Variants in CDK3 observed in about 807,000 individuals in gnomAD.
CDK3 encodes cyclin-dependent kinase 3.
CDK3 carries 24 observed loss-of-function variants against 30.2 expected under a neutral mutation model. That is an observed-to-expected ratio of 0.79 (90% CI 0.57 to 1.12). The LOEUF (loss-of-function observed/expected upper bound fraction) is 1.12. CDK3 is among the 50% of genes most tolerant of loss of function. The pLI is 0.00. For synonymous variants in CDK3, 158 were observed against 154.2 expected, an observed-to-expected ratio of 1.02 and a Z score of -0.18; for missense variants, 345 against 376.0, an observed-to-expected ratio of 0.92 and a Z score of 0.68.
In CDK3 at chr17:76,002,621, A is replaced by C. The variant is rs746536767; in HGVS notation, c.588+9A>C. The C allele has an allele frequency of 1.2e-6, 1 of 809,852 alleles. No homozygotes were observed. The highest frequency in any genetic ancestry group is 1.7e-5 in the Admixed American group (1 of 59,032). The allele number at this position is 809,852 out of a possible 1,614,324, so 50.2% of individuals were successfully genotyped here. On this transcript the variant is annotated intron_variant, in intron 6 of 7. Transcript: ENST00000448471. This position sits in a 1 kb window ranked among gnomAD's most constrained non-coding sequence, Gnocchi z 4.3. ...GCATCTTTGCAGAGATGGTAGAGAGAGGGGCACACATGGCCACAGGGTGCC... is the reference window on the plus strand; with the variant it reads ...GCATCTTTGCAGAGATGGTAGAGAGCGGGGCACACATGGCCACAGGGTGCC...
chr17:76,004,219 G>GTTTTTTTTGT (rs71361702), intron 7 of CDK3, among the ~76,000 whole-genome samples: 1,019 of 92,296 alleles, frequency 0.011, 45 homozygotes, highest in Non-Finnish European at 0.016. Context: ...AGAACCGTCT[G>GTTTTTTTTGT]TTTTTTTTTT....
Position 76,002,991 on chromosome 17 carries a change from C to T in CDK3, c.589-204C>T, listed in dbSNP as rs897284088. 24 of 608,044 alleles carry T rather than the reference C, an allele frequency of 3.9e-5. No homozygotes were observed. Among genetic ancestry groups the T allele is most frequent in the East Asian group, 3.6e-4 (13 of 36,294 alleles). The allele number at this position is 608,044 out of a possible 1,614,324, so 37.7% of individuals were successfully genotyped here. On this transcript the variant is annotated intron_variant, in intron 6 of 7. Coordinates refer to ENST00000448471, the MANE Select transcript of CDK3 (RefSeq NM_001258.4). The surrounding 1 kb of genome is among the most constrained non-coding windows in gnomAD (Gnocchi z 4.3). ...TAGCCTGGGTGACAGAGCAAGACTCCGTCTCTATTTTTTAAAAAAAGGTGT... is the reference window on the plus strand; with the variant it reads ...TAGCCTGGGTGACAGAGCAAGACTCTGTCTCTATTTTTTAAAAAAAGGTGT...
Position 76,005,603 on chromosome 17 carries a change from T to C in CDK3, c.*180T>C, listed in dbSNP as rs2066306924. 2 of 705,860 alleles carry C rather than the reference T, an allele frequency of 2.8e-6. No homozygotes were observed. The highest frequency in any genetic ancestry group is 4.5e-6 in the Non-Finnish European group (2 of 447,244). The allele number at this position is 705,860 out of a possible 1,614,324, so 43.7% of individuals were successfully genotyped here. A position where few individuals can be genotyped will look rare whatever the true frequency, so the allele number is the denominator to read the frequency against. ...AGGTTAGCGAGATCCTGTGTTGTTTTTTGGGTTGGACGGTGCCGTTTCAAA... is the reference window on the plus strand; with the variant it reads ...AGGTTAGCGAGATCCTGTGTTGTTTCTTGGGTTGGACGGTGCCGTTTCAAA... On this transcript the variant is annotated 3_prime_UTR_variant, in exon 8 of 8. Transcript: ENST00000448471. The surrounding 1 kb of genome is among the most constrained non-coding windows in gnomAD (Gnocchi z 4.7).
chr17:76,002,977 A>G lies in CDK3; in HGVS notation c.589-218A>G. The G allele has an allele frequency of 1.7e-6, 1 of 587,082 alleles. No homozygotes were observed. The highest frequency in any genetic ancestry group is 2.0e-5 in the South Asian group (1 of 50,208). 36.4% of individuals were successfully genotyped at this position (587,082 alleles called of 1,614,324 possible). On this transcript the variant is annotated intron_variant, in intron 6 of 7. Transcript: ENST00000448471. This position sits in a 1 kb window ranked among gnomAD's most constrained non-coding sequence, Gnocchi z 4.3. ...GCACGACTGCACTCTAGCCTGGGTG[A>G]CAGAGCAAGACTCCGTCTCTATTTT... is the stretch of plus-strand genomic sequence containing the variant.
Position 76,001,323 on chromosome 17 carries a change from G to A in CDK3, c.-14-89G>A. The A allele has an allele frequency of 6.4e-7, 1 of 1,573,034 alleles. No individual in the cohort carries two copies. The highest frequency in any genetic ancestry group is 2.3e-5 in the East Asian group (1 of 43,206). On this transcript the variant is annotated intron_variant, in intron 1 of 7. Transcript: ENST00000448471. This position sits in a 1 kb window ranked among gnomAD's most constrained non-coding sequence, Gnocchi z 6.2. ...GGAGCTGGGCAGTCTGGGCTGGGCT[G>A]GGCTGGGCAGGGCGCCACATGGAAG...
At position 76,000,880 on chromosome 17, in the gene CDK3, C is replaced by T; in HGVS notation, c.-102C>T. 9.5e-7 allele frequency: 1 copy of T among 1,049,596 alleles called. No individual in the cohort carries two copies. The highest frequency in any genetic ancestry group is 1.2e-6 in the Non-Finnish European group (1 of 868,750). 65.0% of individuals were successfully genotyped at this position (1,049,596 alleles called of 1,614,324 possible). On this transcript the variant is annotated 5_prime_UTR_variant, in exon 1 of 8. Transcript: ENST00000448471. This position sits in a 1 kb window ranked among gnomAD's most constrained non-coding sequence, Gnocchi z 5.9. The stretch of plus-strand genomic sequence containing the variant: ...AGACCCTCCTGACCCCTGACCTCTG[C>T]CCCCAGTGGCCCTGGCCCCTGGGCA...
At chr17:76,003,738 C>T (rs1485361159) in intron 7 of CDK3, among the ~76,000 whole-genome samples, 1 of 151,918 alleles carries the variant, frequency 6.6e-6, no homozygotes, top group African/African-American at 2.4e-5. Flanking sequence ...GGGGCCATAC[C>T]TTCTTTTCTT....
chr17:76,001,713 C>G lies in CDK3; in HGVS notation c.117-161C>G. ...GCCTTCTGACCAGCCTTTGCCGGGG[C>G]CCTGACTGTGGAGTTTGGTGGATGA... On this transcript the variant is annotated intron_variant, in intron 2 of 7. Coordinates refer to ENST00000448471, the MANE Select transcript of CDK3 (RefSeq NM_001258.4). This position sits in a 1 kb window ranked among gnomAD's most constrained non-coding sequence, Gnocchi z 6.2. The G allele has an allele frequency of 4.4e-6, 4 of 905,898 alleles. No homozygotes were observed. Among genetic ancestry groups the G allele is most frequent in the Non-Finnish European group, 6.7e-6 (4 of 600,906 alleles). 56.1% of individuals were successfully genotyped at this position (905,898 alleles called of 1,614,324 possible).
chr17:76,003,262 TGGGGACACCCAGCGAAGACACATGGCCC>T lies in CDK3; in HGVS notation c.661_688del (p.Thr221SerfsTer111), dbSNP rs767680152. ...CAGCTCTTTCGTATCTTTCGTATGC[TGGGGACACCCAGCGAAGACACATGGCCC>T]GGGGTCACCCAGCTGCCTGACTATA... On this transcript the variant is annotated frameshift_variant, in exon 7 of 8. Coordinates refer to ENST00000448471, the MANE Select transcript of CDK3 (RefSeq NM_001258.4). LOFTEE classifies it high-confidence loss of function. 10 of 1,614,068 alleles carry T rather than the reference TGGGGACACCCAGCGAAGACACATGGCCC, an allele frequency of 6.2e-6. No homozygotes were observed. In the African/African-American group the frequency reaches 6.7e-5, roughly 11 times the overall value.
chr17:76,001,433 T>C lies in CDK3; in HGVS notation c.8T>C (p.Met3Thr). 6.2e-7 allele frequency: 1 copy of C among 1,614,076 alleles called. No individual in the cohort carries two copies. Among genetic ancestry groups the C allele is most frequent in the Non-Finnish European group, 8.5e-7 (1 of 1,179,974 alleles). The stretch of plus-strand genomic sequence containing the variant: ...CCAGGCAGCTCTGTGGCCATGGATA[T>C]GTTCCAGAAGGTAGAGAAGATCGGA... MD[M>T]FQKVEKIGEG... Residue 3 changes from methionine (M) to threonine (T), a missense_variant, in exon 2 of 8, where the codon ATG becomes ACG. Coordinates refer to ENST00000448471, the MANE Select transcript of CDK3 (RefSeq NM_001258.4). This position sits in a 1 kb window ranked among gnomAD's most constrained non-coding sequence, Gnocchi z 6.2.
At position 76,001,544 on chromosome 17, in the gene CDK3, G is replaced by C; in HGVS notation, c.116+3G>C. 6.2e-7 allele frequency: 1 copy of C among 1,613,050 alleles called. No homozygotes were observed. The highest frequency in any genetic ancestry group is 2.2e-5 in the East Asian group (1 of 44,864). The stretch of plus-strand genomic sequence containing the variant: ...CTGAAGAAGATCAGACTGGATTTGT[G>C]AGTGCTGGGACGGCCCCTGAGTTAC... On this transcript the variant is annotated splice_donor_region_variant and intron_variant, in intron 2 of 7. Coordinates refer to ENST00000448471, the MANE Select transcript of CDK3 (RefSeq NM_001258.4). The surrounding 1 kb of genome is among the most constrained non-coding windows in gnomAD (Gnocchi z 6.2).
In CDK3 at chr17:76,001,867, C is replaced by G; in HGVS notation, c.117-7C>G. The G allele has an allele frequency of 1.2e-6, 2 of 1,612,264 alleles. No homozygotes were observed. Among genetic ancestry groups the G allele is most frequent in the Middle Eastern group, 1.7e-4 (1 of 6,054 alleles). ...TCTGCCCACGGCTGTGCCCTTGTTT[C>G]TTGCAGGGAGATGGAGGGGGTCCCA... On this transcript the variant is annotated splice_region_variant and splice_polypyrimidine_tract_variant and intron_variant, in intron 2 of 7. Transcript: ENST00000448471. The surrounding 1 kb of genome is among the most constrained non-coding windows in gnomAD (Gnocchi z 6.2).
chr17:76,003,290 C>T lies in CDK3; in HGVS notation c.684C>T (p.Pro228=), dbSNP rs141477491. 1.9e-5 allele frequency: 30 copies of T among 1,613,964 alleles called. No homozygotes were observed. The highest frequency in any genetic ancestry group is 2.7e-5 in the African/African-American group (2 of 74,910). Residue 228 remains proline, a synonymous_variant, in exon 7 of 8, where the codon CCC becomes CCT. Coordinates refer to ENST00000448471, the MANE Select transcript of CDK3 (RefSeq NM_001258.4). The part of the protein sequence containing the change: ...MLGTPSEDTW[P]GVTQLPDYKG... ...GGACACCCAGCGAAGACACATGGCC[C>T]GGGGTCACCCAGCTGCCTGACTATA...
At position 76,001,842 on chromosome 17, in the gene CDK3, T is replaced by C; in HGVS notation, c.117-32T>C. 1 of 1,598,760 alleles carries C rather than the reference T, an allele frequency of 6.3e-7. No individual in the cohort carries two copies. Among genetic ancestry groups the C allele is most frequent in the Non-Finnish European group, 8.6e-7 (1 of 1,168,340 alleles). Reference sequence around the variant, plus strand: ...GGAAGTGCCCTTCTTGGCCCAAGTCTCTGCCCACGGCTGTGCCCTTGTTTC... The same window carrying C: ...GGAAGTGCCCTTCTTGGCCCAAGTCCCTGCCCACGGCTGTGCCCTTGTTTC... On this transcript the variant is annotated intron_variant, in intron 2 of 7. Coordinates refer to ENST00000448471, the MANE Select transcript of CDK3 (RefSeq NM_001258.4). This position sits in a 1 kb window ranked among gnomAD's most constrained non-coding sequence, Gnocchi z 6.2.
At position 76,001,804 on chromosome 17, in the gene CDK3, G is replaced by C; in HGVS notation, c.117-70G>C. 5 of 1,441,926 alleles carry C rather than the reference G, an allele frequency of 3.5e-6. No homozygotes were observed. Among genetic ancestry groups the C allele is most frequent in the Non-Finnish European group, 4.8e-6 (5 of 1,049,952 alleles). The allele number at this position is 1,441,926 out of a possible 1,614,324, so 89.3% of individuals were successfully genotyped here. On this transcript the variant is annotated intron_variant, in intron 2 of 7. Coordinates refer to ENST00000448471, the MANE Select transcript of CDK3 (RefSeq NM_001258.4). This position sits in a 1 kb window ranked among gnomAD's most constrained non-coding sequence, Gnocchi z 6.2. The stretch of plus-strand genomic sequence containing the variant: ...CATTCTGTGGGGTTAAGGAGAAGCC[G>C]ATCCCCCTGGCTGGAAGTGCCCTTC...
rs745774161 is a variant in CDK3, at chr17:76,005,360, C to T, written c.855C>T (p.Tyr285=). ...ITAKTALAHP[Y]FSSPEPSPAA... ...CCAAGACTGCCCTGGCCCACCCGTA[C>T]TTCTCATCCCCTGAGCCCTCCCCAG... Residue 285 remains tyrosine (Y), a synonymous_variant, in exon 8 of 8, where the codon TAC becomes TAT. Transcript: ENST00000448471. This position sits in a 1 kb window ranked among gnomAD's most constrained non-coding sequence, Gnocchi z 4.7. The T allele has an allele frequency of 6.2e-7, 1 of 1,614,134 alleles. No individual in the cohort carries two copies. The highest frequency in any genetic ancestry group is 1.1e-5 in the South Asian group (1 of 91,086).
At position 76,005,075 on chromosome 17, in the gene CDK3, C is replaced by A. The variant is rs996147720; in HGVS notation, c.793-223C>A. ...ACCCTCCCCGAGAAGGGGGGTGACTCAGCTTCAGTGGCCTGAGGAGACCTG... is the reference window on the plus strand; with the variant it reads ...ACCCTCCCCGAGAAGGGGGGTGACTAAGCTTCAGTGGCCTGAGGAGACCTG... On this transcript the variant is annotated intron_variant, in intron 7 of 7. Transcript: ENST00000448471. This position sits in a 1 kb window ranked among gnomAD's most constrained non-coding sequence, Gnocchi z 4.7. Among the ~76,000 whole-genome samples, 5 of 152,110 alleles carry A rather than the reference C, an allele frequency of 3.3e-5. No homozygotes were observed. The highest frequency in any genetic ancestry group is 6.5e-5 in the Admixed American group (1 of 15,268).
rs1250604815 is a variant in CDK3 at position 76,001,865 on chromosome 17, T to C, written c.117-9T>C. 8.1e-6 allele frequency: 13 copies of C among 1,611,866 alleles called. No homozygotes were observed. Among genetic ancestry groups the C allele is most frequent in the Admixed American group, 3.3e-5 (2 of 59,942 alleles). On this transcript the variant is annotated splice_polypyrimidine_tract_variant and intron_variant, in intron 2 of 7. Coordinates refer to ENST00000448471, the MANE Select transcript of CDK3 (RefSeq NM_001258.4). The surrounding 1 kb of genome is among the most constrained non-coding windows in gnomAD (Gnocchi z 6.2). ...TCTCTGCCCACGGCTGTGCCCTTGT[T>C]TCTTGCAGGGAGATGGAGGGGGTCC...
At chr17:76,004,222 T>TTTTTTTTTTG (rs1051479888) in intron 7 of CDK3, among the ~76,000 whole-genome samples, 4 of 138,236 alleles carry the variant, frequency 2.9e-5, no homozygotes, top group Non-Finnish European at 4.7e-5. Context: ...ACCGTCTGTT[T>TTTTTTTTTTG]TTTTTTTTTT....
Sources: allele counts gnomAD v4.1 joint callset (sites outside exome capture counted in the v4.1 genomes callset), GRCh38; gene constraint gnomAD v4.1.1; non-coding constraint Gnocchi (gnomAD v3.1); transcripts MANE v1.5; gene names NCBI Gene and HGNC (gene_info 2026-07-23, HGNC 2026-07-21).